NSD1: variants seen among roughly 807,000 people sequenced by gnomAD.
NSD1 encodes histone-lysine N-methyltransferase, H3 lysine-36 specific.
Under a neutral mutation model 242.7 loss-of-function variants are expected in NSD1, and 26 were observed. The observed-to-expected ratio is 0.11, with a 90% CI of 0.08 to 0.15. NSD1 has a LOEUF of 0.15. Among genes scored for constraint, NSD1 ranks in the 10% least tolerant of loss-of-function variants. The pLI is 1.00. For synonymous variants in NSD1, 1,106 were observed against 1,178.1 expected (o/e 0.94, Z 1.25); for missense variants, 2,495 against 3,272.8 (o/e 0.76, Z 5.80).
upstream of NSD1, chr5:177,133,534 C>T (rs1317019688): frequency 1.3e-5 from 2 of 151,218 alleles, no homozygotes; most frequent in African/African-American, 4.8e-5. The surrounding 1 kb of genome is among the most constrained non-coding windows in gnomAD (Gnocchi z 6.2). Flanking sequence ...GCCCCGGCCG[C>T]GAGCGGGCGC....
intron 5 of NSD1, among the ~76,000 whole-genome samples, chr5:177,216,557 T>C (rs1763786717): frequency 1.3e-5 from 2 of 152,142 alleles, no homozygotes; most frequent in South Asian, 4.1e-4. Context: ...CATGTGCATA[T>C]CCAGTTTTCA....
intron 16 of NSD1, among the ~76,000 whole-genome samples, chr5:177,273,312 T>TTAAAA (rs1554202794): frequency 1.1e-5 from 1 of 90,918 alleles, no homozygotes; most frequent in African/African-American, 4.4e-5. Flanking sequence ...ACTGATGAGC[T>TTAAAA]AAAAAAAAAA....
chr5:177,144,896 C>T (rs1419888806), intron 2 of NSD1, among the ~76,000 whole-genome samples: 1 of 151,880 alleles, frequency 6.6e-6, no homozygotes, highest in Non-Finnish European at 1.5e-5. Flanking sequence ...GCCTGGCCAA[C>T]GTAGTGAAAC....
chr5:177,228,417 A>G (rs1433678127), intron 5 of NSD1, among the ~76,000 whole-genome samples: 1 of 152,076 alleles, frequency 6.6e-6, no homozygotes, highest in East Asian at 1.9e-4. Flanking sequence ...GGATTTTGCC[A>G]TGTTGGCTAG....
At position 177,134,751 on chromosome 5, in the gene NSD1, C is replaced by T. The variant is rs1382217570; in HGVS notation, c.-17-336C>T. Among the ~76,000 whole-genome samples, 1 of 152,120 alleles carries T rather than the reference C, an allele frequency of 6.6e-6. No individual in the cohort carries two copies. The highest frequency in any genetic ancestry group is 1.5e-5 in the Non-Finnish European group (1 of 68,016). On this transcript the variant is annotated intron_variant, in intron 1 of 22. Transcript: ENST00000439151. This position sits in a 1 kb window ranked among gnomAD's most constrained non-coding sequence, Gnocchi z 4.2. ...AGAGATCCAGCTGCTCGACCCCTGG[C>T]GAGGGAGGGGGAGGACTAGTCCTGT...
intron 2 of NSD1, chr5:177,137,197 G>A (rs1756410178): frequency 3.0e-6 from 1 of 334,588 alleles, no homozygotes; most frequent in Admixed American, 4.8e-5. Flanking sequence ...AGAAGTTCTT[G>A]ATTGCTATAA....
At chr5:177,231,577 G>A (rs935760751) in intron 5 of NSD1, among the ~76,000 whole-genome samples, 32 of 151,890 alleles carry the variant, frequency 2.1e-4, no homozygotes, top group African/African-American at 7.3e-4. Context: ...ACAGGCATAC[G>A]CCACTACACA....
chr5:177,208,214 G>C (rs1030027423), intron 4 of NSD1, among the ~76,000 whole-genome samples: 7 of 152,190 alleles, frequency 4.6e-5, no homozygotes, highest in African/African-American at 1.7e-4. Context: ...CTGTATTTCA[G>C]AGTCTCAATG....
chr5:177,189,656 T>A (rs995930229), intron 2 of NSD1, among the ~76,000 whole-genome samples: 6 of 152,194 alleles, frequency 3.9e-5, no homozygotes, highest in Non-Finnish European at 7.3e-5. Context: ...TGGGTAATAA[T>A]GTGTTTACTT....
chr5:177,211,000 C>G lies in NSD1; in HGVS notation c.2601C>G (p.Leu867=), dbSNP rs368078696. ...VKHVLSELKE[L]SYRSLGEDVS... ...ATGTTTTATCCGAGTTGAAGGAACTCTCTTACAGATCCTTAGGTGAGGATG... is the reference window on the plus strand; with the variant it reads ...ATGTTTTATCCGAGTTGAAGGAACTGTCTTACAGATCCTTAGGTGAGGATG... Residue 867 remains leucine (L), a synonymous_variant, in exon 5 of 23, where the codon CTC becomes CTG. Coordinates refer to ENST00000439151, the MANE Select transcript of NSD1 (RefSeq NM_022455.5). 1 of 1,614,154 alleles carries G rather than the reference C, an allele frequency of 6.2e-7. No individual in the cohort carries two copies. Among genetic ancestry groups the G allele is most frequent in the Non-Finnish European group, 8.5e-7 (1 of 1,180,012 alleles).
intron 12 of NSD1, among the ~76,000 whole-genome samples, chr5:177,255,605 G>A (rs1167098196): frequency 6.6e-6 from 1 of 151,948 alleles, no homozygotes; most frequent in Non-Finnish European, 1.5e-5. Context: ...GTTTTTCTGA[G>A]ACAGTCTCCT....
chr5:177,145,516 T>C (rs1229607748), intron 2 of NSD1, among the ~76,000 whole-genome samples: 1 of 152,180 alleles, frequency 6.6e-6, no homozygotes, highest in African/African-American at 2.4e-5. Flanking sequence ...ATTTCTGGCT[T>C]CAGGCAATTC....
chr5:177,159,016 A>G (rs1206836107), intron 2 of NSD1, among the ~76,000 whole-genome samples: 7 of 120,620 alleles, frequency 5.8e-5, no homozygotes, highest in Admixed American at 1.7e-4. Flanking sequence ...ATATATATAT[A>G]TATATATATG....
Position 177,156,013 on chromosome 5 carries a change from G to A in NSD1, c.927+19983G>A, listed in dbSNP as rs184167849. On this transcript the variant is annotated intron_variant, in intron 2 of 22. Transcript: ENST00000439151. ...AGCCACTGCGTCTGGCCTGCATGGG[G>A]ATTCTTAATGAAGATTAATTATTGT... Among the ~76,000 whole-genome samples the A allele has an allele frequency of 2.4e-3, 359 of 151,794 alleles. 3 individuals are homozygous for A. The highest frequency in any genetic ancestry group is 8.4e-3 in the African/African-American group (346 of 41,416).
In NSD1 at chr5:177,133,986, C is replaced by G; in HGVS notation, c.-18+34C>G. 6.7e-6 allele frequency: 1 copy of G among 149,584 alleles called. No individual in the cohort carries two copies. Among genetic ancestry groups the G allele is most frequent in the Non-Finnish European group, 1.4e-5 (1 of 70,066 alleles). The allele number at this position is 149,584 out of a possible 1,614,324, so 9.3% of individuals were successfully genotyped here. A position where few individuals can be genotyped will look rare whatever the true frequency, so the allele number is the denominator to read the frequency against. On this transcript the variant is annotated intron_variant, in intron 1 of 22. Coordinates refer to ENST00000439151, the MANE Select transcript of NSD1 (RefSeq NM_022455.5). The surrounding 1 kb of genome is among the most constrained non-coding windows in gnomAD (Gnocchi z 6.2). Reference sequence around the variant, plus strand: ...TGCGCTGGGGTGGGCGGCGGGCAGGCGCGAGGAGAAGGGAGGGAGGAGGGT... The same window carrying G: ...TGCGCTGGGGTGGGCGGCGGGCAGGGGCGAGGAGAAGGGAGGGAGGAGGGT...
At chr5:177,157,791 A>T (rs1336545956) in intron 2 of NSD1, among the ~76,000 whole-genome samples, 2 of 152,138 alleles carry the variant, frequency 1.3e-5, no homozygotes, top group Non-Finnish European at 2.9e-5. Flanking sequence ...CCTCACAACC[A>T]CTAATCTAAT....
At chr5:177,166,284 A>G (rs1759189564) in intron 2 of NSD1, among the ~76,000 whole-genome samples, 1 of 151,994 alleles carries the variant, frequency 6.6e-6, no homozygotes, top group Non-Finnish European at 1.5e-5. Flanking sequence ...AAGGTGGCTT[A>G]TGCCTATAAT....
At chr5:177,223,171 T>C (rs1283965110) in intron 5 of NSD1, among the ~76,000 whole-genome samples, 1 of 151,296 alleles carries the variant, frequency 6.6e-6, no homozygotes, top group African/African-American at 2.4e-5. Flanking sequence ...AACGTCTGCC[T>C]CCTGGGTTCA....
At chr5:177,172,517 A>G (rs1759800595) in intron 2 of NSD1, among the ~76,000 whole-genome samples, 1 of 152,156 alleles carries the variant, frequency 6.6e-6, no homozygotes, top group Non-Finnish European at 1.5e-5. Context: ...TTATCATATG[A>G]TACATAGAAA....
Sources: allele counts gnomAD v4.1 joint callset (sites outside exome capture counted in the v4.1 genomes callset), GRCh38; gene constraint gnomAD v4.1.1; non-coding constraint Gnocchi (gnomAD v3.1); transcripts MANE v1.5; gene names NCBI Gene and HGNC (gene_info 2026-07-23, HGNC 2026-07-21).